DSCAML1: variants seen among roughly 807,000 people sequenced by gnomAD.
The protein encoded by DSCAML1 is DS cell adhesion molecule like 1.
DSCAML1 carries 38 observed loss-of-function variants against 200.5 expected under a neutral mutation model. The ratio of observed to expected loss-of-function variants is 0.19; its 90% confidence interval spans 0.15 to 0.25. DSCAML1 has a LOEUF of 0.25. Among genes scored for constraint, DSCAML1 ranks in the 10% least tolerant of loss-of-function variants. The pLI, the probability that DSCAML1 is intolerant of heterozygous loss-of-function variation, is 1.00. For synonymous variants in DSCAML1, 1,215 were observed against 1,165.0 expected (o/e 1.04, Z -0.87); for missense variants, 2,223 against 2,858.8 (o/e 0.78, Z 5.07).
At position 117,769,640 on chromosome 11, in the gene DSCAML1, C is replaced by T. The variant is rs528309287; in HGVS notation, c.511+7151G>A. ...TAATATAGTCCAGCACTTAGGAGCA[C>T]AGATGATGGAGTCTGAATGCATAAG... On this transcript the variant is annotated intron_variant, in intron 3 of 32. Coordinates refer to ENST00000651296, the MANE Select transcript of DSCAML1 (RefSeq NM_020693.4). Among the ~76,000 whole-genome samples the T allele has an allele frequency of 2.0e-4, 29 of 143,334 alleles. 1 individual carries two copies. In the South Asian group the frequency reaches 5.6e-3, roughly 28 times the overall value. The allele number at this position is 143,334 out of a possible 152,430, so 94.0% of individuals were successfully genotyped here.
At chr11:117,624,135 CAAATT>C (rs1255917146) in intron 3 of DSCAML1, among the ~76,000 whole-genome samples, 3 of 152,130 alleles carry the variant, frequency 2.0e-5, no homozygotes, top group Non-Finnish European at 2.9e-5. Context: ...TTGTTGGTTT[CAAATT>C]AAAATAAGTC....
At chr11:117,764,952 C>T (rs577345145) in intron 3 of DSCAML1, among the ~76,000 whole-genome samples, 43 of 152,346 alleles carry the variant, frequency 2.8e-4, no homozygotes, top group African/African-American at 9.1e-4. Context: ...CCCACATGCA[C>T]GGCCGCCTTC....
At chr11:117,564,258 G>C (rs1487382888) in intron 3 of DSCAML1, among the ~76,000 whole-genome samples, 1 of 152,198 alleles carries the variant, frequency 6.6e-6, no homozygotes, top group Non-Finnish European at 1.5e-5. Flanking sequence ...TCTTTGGACT[G>C]ATGAGTAGTA....
rs115058493 is a variant in DSCAML1, at chr11:117,584,111, A to G, written c.512-51589T>C. Among the ~76,000 whole-genome samples, 122 of 152,104 alleles carry G rather than the reference A, an allele frequency of 8.0e-4. 1 individual carries two copies. The highest frequency in any genetic ancestry group is 2.8e-3 in the African/African-American group (118 of 41,508). ...ATATTAAGGGATCCTCGGGGAACTA[A>G]GAAAATAGAAACACATTTAAATTCT... On this transcript the variant is annotated intron_variant, in intron 3 of 32. Coordinates refer to ENST00000651296, the MANE Select transcript of DSCAML1 (RefSeq NM_020693.4).
intron 3 of DSCAML1, among the ~76,000 whole-genome samples, chr11:117,737,316 G>A (rs1313933795): frequency 6.6e-6 from 1 of 152,202 alleles, no homozygotes; most frequent in African/African-American, 2.4e-5. Context: ...TGAGTGTTGT[G>A]AACAAGGGCC....
In DSCAML1 at chr11:117,790,738, G is replaced by A. The variant is rs117352858; in HGVS notation, c.46+6296C>T. ...AACTGCTCTGTAGGATAGCCAGGAC[G>A]GGGGTAATTTTGCCCATTTTACAGA... On this transcript the variant is annotated intron_variant, in intron 1 of 32. Coordinates refer to ENST00000651296, the MANE Select transcript of DSCAML1 (RefSeq NM_020693.4). Among the ~76,000 whole-genome samples, 108 of 152,268 alleles carry A rather than the reference G, an allele frequency of 7.1e-4. 3 individuals carry two copies. In the East Asian group the frequency reaches 0.02, roughly 28 times the overall value.
At chr11:117,617,737 C>G (rs2051840877) in intron 3 of DSCAML1, among the ~76,000 whole-genome samples, 1 of 151,272 alleles carries the variant, frequency 6.6e-6, no homozygotes, top group South Asian at 2.1e-4. Flanking sequence ...CACTGCAGAG[C>G]TCCCTGAAGC....
At chr11:117,438,110 G>T in intron 24 of DSCAML1, 27 bp from the exon 25 acceptor site, 9 of 1,586,446 alleles carry the variant, frequency 5.7e-6, no homozygotes, top group South Asian at 1.1e-5. Flanking sequence ...TGATTCAGGT[G>T]GGGGCAGGGC....
chr11:117,654,593 G>A (rs61903816), intron 3 of DSCAML1, among the ~76,000 whole-genome samples: 7,167 of 152,238 alleles, frequency 0.047, 246 homozygotes, highest in Non-Finnish European at 0.074. Context: ...ACATGGAATC[G>A]GAACAGAGGC....
intron 3 of DSCAML1, among the ~76,000 whole-genome samples, chr11:117,560,982 A>G (rs2050651595): frequency 6.6e-6 from 1 of 152,156 alleles, no homozygotes; most frequent in Admixed American, 6.5e-5. Context: ...GATGGGTTTC[A>G]GGGATAGAGA....
At chr11:117,619,250 C>T (rs1229333345) in intron 3 of DSCAML1, among the ~76,000 whole-genome samples, 1 of 152,238 alleles carries the variant, frequency 6.6e-6, no homozygotes, top group East Asian at 1.9e-4. Flanking sequence ...AGGAAACAGC[C>T]TTGCTACTGC....
At chr11:117,782,910 C>T (rs765515861) in intron 1 of DSCAML1, among the ~76,000 whole-genome samples, 80 of 152,070 alleles carry the variant, frequency 5.3e-4, no homozygotes, top group Non-Finnish European at 3.2e-4. Flanking sequence ...CCCAAGACCA[C>T]AAAACCAGTA....
chr11:117,755,858 C>A (rs2137879293), intron 3 of DSCAML1, among the ~76,000 whole-genome samples: 1 of 152,212 alleles, frequency 6.6e-6, no homozygotes, highest in Non-Finnish European at 1.5e-5. Context: ...TGCACCTGTA[C>A]CCCTCCCACC....
rs1461009729 is a variant in DSCAML1 at position 117,469,952 on chromosome 11, G to A, written c.2982C>T (p.Thr994=). 2 of 1,608,174 alleles carry A rather than the reference G, an allele frequency of 1.2e-6. No homozygotes were observed. The highest frequency in any genetic ancestry group is 1.7e-5 in the Admixed American group (1 of 59,876). Reference sequence around the variant, plus strand: ...TGCTCTGTGAGGTCACTGGCTGCAAGGTAACATCCATGGGGGGCCCATCGG... The same window carrying A: ...TGCTCTGTGAGGTCACTGGCTGCAAAGTAACATCCATGGGGGGCCCATCGG... ...AAPDGPPMDV[T]LQPVTSQSIQ... Residue 994 remains threonine, a synonymous_variant, in exon 16 of 33, where the codon ACC becomes ACT. Transcript: ENST00000651296. The surrounding 1 kb of genome is among the most constrained non-coding windows in gnomAD (Gnocchi z 4.1).
At chr11:117,627,855 G>A (rs1047118676) in intron 3 of DSCAML1, among the ~76,000 whole-genome samples, 1 of 151,964 alleles carries the variant, frequency 6.6e-6, no homozygotes, top group Non-Finnish European at 1.5e-5. Context: ...GGCTCCTCAT[G>A]TTCCCCTCAG....
At chr11:117,450,356 A>G (rs2137116987) in intron 20 of DSCAML1, among the ~76,000 whole-genome samples, 193 bp downstream of exon 20, 1 of 152,364 alleles carries the variant, frequency 6.6e-6, no homozygotes, top group East Asian at 1.9e-4. Flanking sequence ...CCTCTGGAAC[A>G]GAGGACTGAC....
intron 3 of DSCAML1, among the ~76,000 whole-genome samples, chr11:117,610,564 G>A (rs989319041): frequency 6.6e-6 from 1 of 151,956 alleles, no homozygotes; most frequent in African/African-American, 2.4e-5. Context: ...GGAGGAAGAG[G>A]TAATGGAGGT....
Position 117,433,195 on chromosome 11 carries a change from T to C in DSCAML1, c.4969A>G (p.Ile1657Val), listed in dbSNP as rs566879993. Residue 1657 changes from isoleucine to valine, a missense_variant, in exon 29 of 33, where the codon ATT (isoleucine) becomes GTT (valine). Around this residue, in one of 7 missense-constraint regions of DSCAML1, gnomAD observed 614 missense variants for 739.1 expected, o/e 0.83. Transcript: ENST00000651296. Reference sequence around the variant, plus strand: ...AGCAGCTGGACCCTGGGGATGTCAATGTGTAGCCGTGGGCCCTGGGGTGGC... The same window carrying C: ...AGCAGCTGGACCCTGGGGATGTCAACGTGTAGCCGTGGGCCCTGGGGTGGC... Reference protein sequence around the residue: ...KGPPQGPRLHIDIPRVQLLIE... With the variant: ...KGPPQGPRLHVDIPRVQLLIE... The C allele has an allele frequency of 5.0e-5, 80 of 1,613,986 alleles. No individual in the cohort carries two copies. Among genetic ancestry groups the C allele is most frequent in the Non-Finnish European group, 6.8e-5 (80 of 1,179,986 alleles).
intron 3 of DSCAML1, among the ~76,000 whole-genome samples, chr11:117,687,426 A>ATTTTAAATTTTTTTTTTTTTTTTTT (rs552784985): frequency 1.0e-5 from 1 of 97,684 alleles, no homozygotes; most frequent in African/African-American, 4.1e-5. Flanking sequence ...ATGCCTGGCT[A>ATTTTAAATTTTTTTTTTTTTTTTTT]TTTTTTTTTT....
Sources: gnomAD v4.1 joint callset for allele counts (sites outside exome capture counted in the v4.1 genomes callset) on GRCh38, gnomAD v4.1.1 for gene constraint, gnomAD v4.1.1 regional missense constraint, Gnocchi (gnomAD v3.1) non-coding constraint, MANE v1.5 for transcripts, NCBI Gene and HGNC (gene_info 2026-07-23, HGNC 2026-07-21) for gene names.